The following VDR variants were observed in gnomAD, a reference collection of about 807,000 sequenced individuals.
VDR encodes vitamin D receptor.
A neutral mutation model predicts 39.7 loss-of-function variants in VDR; 19 were observed. The ratio of observed to expected loss-of-function variants is 0.48; its 90% confidence interval spans 0.33 to 0.70. VDR has a LOEUF of 0.70. VDR is among the 30% of genes least tolerant of loss of function. The probability of loss-of-function intolerance (pLI) is 0.02; values close to 1 mark genes in which losing one functional copy is unlikely to be tolerated. For missense variants in VDR, 442 were observed against 570.5 expected (o/e 0.77, Z 2.29); for synonymous variants, 242 against 215.8 (o/e 1.12, Z -1.07).
At chr12:47,868,039 C>T (rs1372911757) in intron 3 of VDR, among the ~76,000 whole-genome samples, 1 of 152,214 alleles carries the variant, frequency 6.6e-6, no homozygotes, top group African/African-American at 2.4e-5. Flanking sequence ...AACTCCCTCC[C>T]TTTATACGTG....
intron 1 of VDR, among the ~76,000 whole-genome samples, chr12:47,897,707 CA>C (rs1229955409): frequency 6.6e-6 from 1 of 152,166 alleles, no homozygotes; most frequent in Non-Finnish European, 1.5e-5. Flanking sequence ...CTCCTTTCCC[CA>C]TGGCATCGCC....
chr12:47,904,018 C>T (rs773264765), intron 1 of VDR, among the ~76,000 whole-genome samples: 2 of 151,992 alleles, frequency 1.3e-5, no homozygotes, highest in East Asian at 3.9e-4. Flanking sequence ...AACTGCTTGC[C>T]TGGGCTCTGG....
chr12:47,871,991 CT>C (rs1945891852), intron 3 of VDR, among the ~76,000 whole-genome samples: 1 of 152,226 alleles, frequency 6.6e-6, no homozygotes, highest in Admixed American at 6.5e-5. Context: ...ACAGTGACAG[CT>C]TCCTGGAGGA....
chr12:47,896,199 C>T (rs757001250), intron 1 of VDR, among the ~76,000 whole-genome samples: 3 of 152,228 alleles, frequency 2.0e-5, no homozygotes, highest in South Asian at 4.1e-4. Context: ...GTGCCTGGCA[C>T]GTAGTACCTG....
intron 3 of VDR, among the ~76,000 whole-genome samples, chr12:47,868,941 A>T (rs907870184): frequency 2.0e-5 from 3 of 152,226 alleles, no homozygotes; most frequent in South Asian, 4.2e-4. Flanking sequence ...ACCTACAGTG[A>T]TGTGAGCCAA....
intron 6 of VDR, among the ~76,000 whole-genome samples, chr12:47,856,636 AAAAG>A (rs1945494919): frequency 1.3e-5 from 2 of 151,408 alleles, no homozygotes; most frequent in African/African-American, 4.9e-5. Context: ...AAAAAAAAAA[AAAAG>A]AAAGGAAGGA....
At chr12:47,883,102 G>A (rs1946190849) in intron 1 of VDR, among the ~76,000 whole-genome samples, 1 of 152,188 alleles carries the variant, frequency 6.6e-6, no homozygotes, top group Non-Finnish European at 1.5e-5. Context: ...AGGGTGTCAG[G>A]AGGGAGGAAG....
rs773525233 is a variant in VDR at position 47,879,024 on chromosome 12, T to C, written c.90A>G (p.Arg30=). 2 of 1,614,022 alleles carry C rather than the reference T, an allele frequency of 1.2e-6. No homozygotes were observed. The highest frequency in any genetic ancestry group is 1.1e-5 in the South Asian group (1 of 91,086). ...TAGCATTGAAGTGAAAGCCAGTGGC[T>C]CGGTCTCCACACACCCCACAGATCC... is the stretch of plus-strand genomic sequence containing the variant. ...VPRICGVCGD[R]ATGFHFNAMT... is the part of the protein sequence containing the mutation. The change falls in exon 3 of 10, where the codon CGA becomes CGG. Residue 30 remains arginine (R), a synonymous_variant. Transcript: ENST00000549336.
intron 7 of VDR, among the ~76,000 whole-genome samples, chr12:47,852,796 C>T (rs1945411847): frequency 6.6e-6 from 1 of 152,170 alleles, no homozygotes; most frequent in Non-Finnish European, 1.5e-5. Flanking sequence ...TCGGCAATAA[C>T]TCATGGCTTT....
intron 4 of VDR, among the ~76,000 whole-genome samples, chr12:47,864,471 C>T (rs1945687523): frequency 6.6e-6 from 1 of 152,212 alleles, no homozygotes; most frequent in African/African-American, 2.4e-5. Flanking sequence ...ACTCTTTCCT[C>T]CTGGTCTCTC....
intron 6 of VDR, among the ~76,000 whole-genome samples, chr12:47,856,040 A>G (rs1945481946): frequency 6.6e-6 from 1 of 152,266 alleles, no homozygotes; most frequent in Non-Finnish European, 1.5e-5. Flanking sequence ...AGACTTCCTC[A>G]AGCAGACTGT....
chr12:47,857,418 C>A (rs1041452410), intron 5 of VDR, 86 bp downstream of exon 5: 1 of 1,607,744 alleles, frequency 6.2e-7, no homozygotes, highest in African/African-American at 1.3e-5. Flanking sequence ...CAGGATGTCC[C>A]CTGCCCTCTG....
At position 47,899,921 on chromosome 12, in the gene VDR, G is replaced by A. The variant is rs113046660; in HGVS notation, c.-84+5034C>T. 1,062 of 985,574 alleles carry A rather than the reference G, an allele frequency of 1.1e-3. 9 individuals carry two copies. In the African/African-American group the frequency reaches 0.017, roughly 16 times the overall value. The allele number at this position is 985,574 out of a possible 1,614,324, so 61.1% of individuals were successfully genotyped here. A position where few individuals can be genotyped will look rare whatever the true frequency, so the allele number is the denominator to read the frequency against. On this transcript the variant is annotated intron_variant, in intron 1 of 9. Transcript: ENST00000549336. ...CATGAGGCTATCAGAGGAGGCTAGA[G>A]TCCATTTCTCCGTCCAGCTGGGCTA...
At chr12:47,897,856 T>G (rs567352573) in intron 1 of VDR, among the ~76,000 whole-genome samples, 1 of 152,152 alleles carries the variant, frequency 6.6e-6, no homozygotes, top group Non-Finnish European at 1.5e-5. Flanking sequence ...ACTGGAGCCC[T>G]TAAATGATCA....
rs549703112 is a variant in VDR, at chr12:47,890,473, G to A, written c.-83-7699C>T. Among the ~76,000 whole-genome samples, 63 of 151,502 alleles carry A rather than the reference G, an allele frequency of 4.2e-4. No homozygotes were observed. In the South Asian group the frequency reaches 4.6e-3, roughly 11 times the overall value. On this transcript the variant is annotated intron_variant, in intron 1 of 9. Transcript: ENST00000549336. ...GCTCCTCTGGGGTCAGGGAGGAAAC[G>A]GTTGTCACGTCACCAGGCAGGTTAC...
chr12:47,902,090 CT>C (rs1946573737), intron 1 of VDR, among the ~76,000 whole-genome samples: 1 of 152,254 alleles, frequency 6.6e-6, no homozygotes. Context: ...GCTGTGACCT[CT>C]GCTGAGTTTG....
intron 4 of VDR, 58 bp from the exon 5 acceptor site, chr12:47,857,746 C>T (rs1945521810): frequency 6.3e-7 from 1 of 1,592,910 alleles, no homozygotes; most frequent in Non-Finnish European, 8.6e-7. Flanking sequence ...AGGAAACCTT[C>T]CTCCTGCGGT....
intron 4 of VDR, among the ~76,000 whole-genome samples, chr12:47,862,341 G>A (rs1053190165): frequency 6.6e-6 from 1 of 152,228 alleles, no homozygotes; most frequent in Non-Finnish European, 1.5e-5. Context: ...CTGGGGCCAC[G>A]AGAGGCTGCC....
intron 7 of VDR, among the ~76,000 whole-genome samples, chr12:47,852,551 T>A (rs1428486937): frequency 6.6e-6 from 1 of 152,212 alleles, no homozygotes; most frequent in Non-Finnish European, 1.5e-5. Flanking sequence ...CTCGCTCCTA[T>A]CACTACAACC....
Sources: allele counts gnomAD v4.1 joint callset (sites outside exome capture counted in the v4.1 genomes callset), GRCh38; gene constraint gnomAD v4.1.1; transcripts MANE v1.5; gene names NCBI Gene and HGNC (gene_info 2026-07-23, HGNC 2026-07-21).